Variants in TAOK1 observed in about 807,000 individuals in gnomAD.
The protein encoded by TAOK1 is TAO kinase 1, also known as serine/threonine-protein kinase TAO1.
A neutral mutation model predicts 138.3 loss-of-function variants in TAOK1; 21 were observed. The ratio of observed to expected loss-of-function variants is 0.15; its 90% CI spans 0.11 to 0.22. TAOK1 has a LOEUF of 0.22. Ranked by LOEUF, TAOK1 falls within the 10% of genes least tolerant of loss-of-function variation. The probability of loss-of-function intolerance (pLI) is 1.00; values close to 1 mark genes in which losing one functional copy is unlikely to be tolerated. For synonymous variants in TAOK1, 361 were observed against 398.4 expected, an observed-to-expected ratio of 0.91 and a Z score of 1.12; for missense variants, 651 against 1,227.7, an observed-to-expected ratio of 0.53 and a Z score of 7.02.
intron 1 of TAOK1, among the ~76,000 whole-genome samples, chr17:29,423,280 C>T (rs867306104): frequency 7.5e-5 from 11 of 146,098 alleles, no homozygotes; most frequent in African/African-American, 2.5e-4. Context: ...AGTGCAGTGG[C>T]GCGATCTTGG....
At chr17:29,506,893 T>G (rs965244198) in intron 13 of TAOK1, among the ~76,000 whole-genome samples, 11 of 152,166 alleles carry the variant, frequency 7.2e-5, no homozygotes, top group African/African-American at 2.7e-4. Flanking sequence ...GTGCTATATA[T>G]GTACAGTGGA....
chr17:29,525,772 G>A (rs997183481), intron 17 of TAOK1, among the ~76,000 whole-genome samples: 1 of 152,336 alleles, frequency 6.6e-6, no homozygotes, highest in South Asian at 2.1e-4. Flanking sequence ...TTGGAAGGCC[G>A]AGGCAGGGGA....
intron 10 of TAOK1, among the ~76,000 whole-genome samples, chr17:29,494,472 C>A (rs957718977): frequency 6.6e-6 from 1 of 151,838 alleles, no homozygotes; most frequent in Non-Finnish European, 1.5e-5. Flanking sequence ...TTCATAGTTA[C>A]AACTCTTTGC....
rs1287433880 is a variant in TAOK1, at chr17:29,542,890, C to G, written c.2874C>G (p.Ser958Arg). ...SGPMQGVPRGSSMGVRNSPQA... is the reference protein window; with the variant it reads ...SGPMQGVPRGRSMGVRNSPQA... ...CAATGCAAGGGGTACCTCGAGGTAGCAGTATGGGAGTCCGCAATAGCCCCC... is the reference window on the plus strand; with the variant it reads ...CAATGCAAGGGGTACCTCGAGGTAGGAGTATGGGAGTCCGCAATAGCCCCC... Residue 958 changes from serine (S) to arginine (R), a missense_variant, in exon 20 of 20, where the codon AGC (serine) becomes AGG (arginine). Physicochemically the swap from Ser to Arg is moderately radical, Grantham distance 110. Coordinates refer to ENST00000261716, the MANE Select transcript of TAOK1 (RefSeq NM_020791.4). 5 of 1,613,854 alleles carry G rather than the reference C, an allele frequency of 3.1e-6. No individual in the cohort carries two copies. In the African/African-American group the frequency reaches 6.7e-5, roughly 22 times the overall value.
intron 1 of TAOK1, among the ~76,000 whole-genome samples, chr17:29,448,169 C>G (rs1390365465): frequency 6.6e-6 from 1 of 151,458 alleles, no homozygotes; most frequent in Non-Finnish European, 1.5e-5. Flanking sequence ...CTCATATTTC[C>G]TCCCAGTACT....
intron 10 of TAOK1, among the ~76,000 whole-genome samples, chr17:29,493,639 A>G (rs892591865): frequency 1.3e-5 from 2 of 152,156 alleles, no homozygotes; most frequent in African/African-American, 4.8e-5. Flanking sequence ...AATAGTATTC[A>G]TTTGCCTGGC....
intron 17 of TAOK1, among the ~76,000 whole-genome samples, chr17:29,526,225 C>T (rs1436612729): frequency 6.6e-6 from 1 of 152,042 alleles, no homozygotes; most frequent in Admixed American, 6.6e-5. Context: ...GTGGAGGTTA[C>T]GGTGAGCCAA....
In TAOK1 at chr17:29,390,834, C is replaced by A. The variant is rs1040843505; in HGVS notation, c.-285C>A. 6.6e-6 allele frequency: 1 copy of A among 150,872 alleles called. No individual in the cohort carries two copies. The highest frequency in any genetic ancestry group is 1.5e-5 in the Non-Finnish European group (1 of 67,216). 9.3% of individuals were successfully genotyped at this position (150,872 alleles called of 1,614,324 possible). ...CCGGTCGTCCCCTCGCCCCCCCCCC[C>A]ACCCCCCGCCGCCGCCGCCCCTTGT... On this transcript the variant is annotated 5_prime_UTR_variant, in exon 1 of 20. Transcript: ENST00000261716.
At chr17:29,396,999 A>G (rs1904626867) in intron 1 of TAOK1, among the ~76,000 whole-genome samples, 1 of 144,256 alleles carries the variant, frequency 6.9e-6, no homozygotes, top group African/African-American at 2.6e-5. Context: ...TCAAAAAAAA[A>G]AAAAAAAAAA....
intron 1 of TAOK1, among the ~76,000 whole-genome samples, chr17:29,433,441 G>T (rs1461595121): frequency 7.9e-6 from 1 of 126,260 alleles, no homozygotes; most frequent in East Asian, 2.7e-4. Context: ...AAAAAAAAAA[G>T]AATGTAAAAA....
chr17:29,529,234 A>G (rs549991164), intron 17 of TAOK1, among the ~76,000 whole-genome samples: 1 of 152,234 alleles, frequency 6.6e-6, no homozygotes, highest in South Asian at 2.1e-4. Context: ...TGGCCTCCCA[A>G]AGTACTGGGA....
chr17:29,520,379 C>G (rs369502689), intron 16 of TAOK1, among the ~76,000 whole-genome samples: 8 of 151,646 alleles, frequency 5.3e-5, no homozygotes, highest in South Asian at 2.1e-4. Flanking sequence ...CACTTGAGGC[C>G]AGGAGTTTGA....
chr17:29,408,427 G>A (rs1394499027), intron 1 of TAOK1, among the ~76,000 whole-genome samples: 1 of 151,722 alleles, frequency 6.6e-6, no homozygotes, highest in Non-Finnish European at 1.5e-5. Flanking sequence ...TGTTGCCCAG[G>A]CAGGTCTCAA....
rs10591199 is a variant in TAOK1, at chr17:29,395,646, CTTTTTT to C, written c.-95+4639_-95+4644del. ...GCTCACCTGCCTTTAGGTATGTGTA[CTTTTTT>C]TTTTTTTTTTTTTTTTGAATTTGAG... is the stretch of plus-strand genomic sequence containing the variant. On this transcript the variant is annotated intron_variant, in intron 1 of 19. Coordinates refer to ENST00000261716, the MANE Select transcript of TAOK1 (RefSeq NM_020791.4). Among the ~76,000 whole-genome samples the C allele has an allele frequency of 4.0e-3, 522 of 129,740 alleles. 3 individuals are homozygous for C. The highest frequency in any genetic ancestry group is 0.012 in the African/African-American group (422 of 34,554). 85.1% of individuals were successfully genotyped at this position (129,740 alleles called of 152,430 possible). A position where few individuals can be genotyped will look rare whatever the true frequency, so the allele number is the denominator to read the frequency against.
Position 29,491,847 on chromosome 17 carries a change from A to C in TAOK1, c.813A>C (p.Thr271=). 6.2e-7 allele frequency: 1 copy of C among 1,613,088 alleles called. No homozygotes were observed. Among genetic ancestry groups the C allele is most frequent in the Non-Finnish European group, 8.5e-7 (1 of 1,179,284 alleles). The change falls in exon 10 of 20, where the codon ACA becomes ACC. Residue 271 remains threonine (T), a synonymous_variant. Transcript: ENST00000261716. The part of the protein sequence containing the change: ...CLQKIPQDRP[T]SEELLKHIFV... ...AGAAAATCCCTCAAGATCGACCTAC[A>C]TCAGAGGAACTTTTAAAGGTCAGTT...
chr17:29,424,934 T>C (rs991094313), intron 1 of TAOK1: 2 of 152,212 alleles, frequency 1.3e-5, no homozygotes, highest in Admixed American at 6.6e-5. Context: ...ATAGATTATA[T>C]ACAAAATGTA....
chr17:29,391,748 CCT>C (rs1904438681), intron 1 of TAOK1, among the ~76,000 whole-genome samples: 3 of 152,300 alleles, frequency 2.0e-5, no homozygotes, highest in South Asian at 4.1e-4. Context: ...GGGGATATGG[CCT>C]CTCGAGAGGG....
At chr17:29,539,471 T>C (rs1414593531) in intron 19 of TAOK1, among the ~76,000 whole-genome samples, 3 of 152,178 alleles carry the variant, frequency 2.0e-5, no homozygotes, top group South Asian at 4.1e-4. Flanking sequence ...AGTTTCACTC[T>C]TGTTGCCCAC....
In TAOK1 at chr17:29,507,991, G is replaced by A; in HGVS notation, c.1434G>A (p.Leu478=). Residue 478 remains leucine, a synonymous_variant, in exon 14 of 20, where the codon CTG becomes CTA. Coordinates refer to ENST00000261716, the MANE Select transcript of TAOK1 (RefSeq NM_020791.4). ...TGAGGCGACAACATCAAAAGCAACT[G>A]ATGACTCTGGAAAACAAGCTAAAGG... ...KRMRRQHQKQ[L]MTLENKLKAE... 1.2e-6 allele frequency: 2 copies of A among 1,614,086 alleles called. No individual in the cohort carries two copies. The highest frequency in any genetic ancestry group is 1.7e-6 in the Non-Finnish European group (2 of 1,179,978).
Sources: allele counts gnomAD v4.1 joint callset (sites outside exome capture counted in the v4.1 genomes callset), GRCh38; gene constraint gnomAD v4.1.1; transcripts MANE v1.5; gene names NCBI Gene and HGNC (gene_info 2026-07-23, HGNC 2026-07-21).